The following ALPL variants were observed in gnomAD, a reference collection of about 807,000 sequenced individuals.
ALPL encodes alkaline phosphatase, biomineralization associated.
A neutral mutation model predicts 51.3 loss-of-function variants in ALPL; 42 were observed. The observed-to-expected ratio is 0.82, with a 90% CI of 0.64 to 1.06. The LOEUF is 1.06. Among genes scored for constraint, ALPL ranks in the 50% least tolerant of loss-of-function variants. The pLI is 0.00. For synonymous variants in ALPL, 279 were observed against 296.4 expected, an observed-to-expected ratio of 0.94 and a Z score of 0.60; for missense variants, 589 against 709.4, an observed-to-expected ratio of 0.83 and a Z score of 1.93.
chr1:21,536,490 G>C lies in ALPL; in HGVS notation c.-104-17488G>C, dbSNP rs531184206. Among the ~76,000 whole-genome samples, 3 of 152,326 alleles carry C rather than the reference G, an allele frequency of 2.0e-5. No individual in the cohort carries two copies. In the South Asian group the frequency reaches 6.2e-4, roughly 32 times the overall value. Reference sequence around the variant, plus strand: ...ATGTAGCCAGGATGTTCAGAGGAAGGCTTCAGGCATGGCTGCATCTAGGAG... The same window carrying C: ...ATGTAGCCAGGATGTTCAGAGGAAGCCTTCAGGCATGGCTGCATCTAGGAG... On this transcript the variant is annotated intron_variant, in intron 1 of 11. Transcript: ENST00000374840.
rs371658562 is a variant in ALPL, at chr1:21,576,218, TGATG to T, written c.1190-271_1190-268del. ...GATGGCTGGCTGGATGATGGATGGA[TGATG>T]GATGGATGGATGGATGGATGGATGG... is the stretch of plus-strand genomic sequence containing the variant. On this transcript the variant is annotated intron_variant, in intron 10 of 11. Transcript: ENST00000374840. Among the ~76,000 whole-genome samples the T allele has an allele frequency of 8.5e-3, 1,208 of 142,420 alleles. 33 individuals carry two copies. The highest frequency in any genetic ancestry group is 0.029 in the African/African-American group (1,116 of 39,090). 93.4% of individuals were successfully genotyped at this position (142,420 alleles called of 152,430 possible). A position where few individuals can be genotyped will look rare whatever the true frequency, so the allele number is the denominator to read the frequency against.
intron 1 of ALPL, among the ~76,000 whole-genome samples, chr1:21,550,665 G>A (rs1213427069): frequency 1.3e-5 from 2 of 151,876 alleles, no homozygotes; most frequent in Non-Finnish European, 2.9e-5. Context: ...ATCATAAACC[G>A]AACCGCACCA....
Position 21,577,556 on chromosome 1 carries a change from G to C in ALPL, c.1483G>C (p.Gly495Arg), listed in dbSNP as rs761079751. The C allele has an allele frequency of 1.2e-6, 2 of 1,604,752 alleles. No homozygotes were observed. Among genetic ancestry groups the C allele is most frequent in the African/African-American group, 1.3e-5 (1 of 74,926 alleles). Residue 495 changes from glycine to arginine, a missense_variant, in exon 12 of 12, where the codon GGC becomes CGC. By Grantham distance (125) the Gly-to-Arg change is moderately radical. Transcript: ENST00000374840. ...TGCAGCCTGCATCGGGGCCAACCTC[G>C]GCCACTGTGCTCCTGCCAGCTCGGC... Reference protein sequence around the residue: ...AYAACIGANLGHCAPASSAGS... With the variant: ...AYAACIGANLRHCAPASSAGS...
chr1:21,545,918 C>T (rs530781600), intron 1 of ALPL, among the ~76,000 whole-genome samples: 125 of 152,060 alleles, frequency 8.2e-4, no homozygotes, highest in African/African-American at 2.3e-3. Context: ...CTAGTTCAAG[C>T]GATTATCCTG....
At chr1:21,563,548 A>G (rs1334879680) in intron 5 of ALPL, among the ~76,000 whole-genome samples, 3 of 152,164 alleles carry the variant, frequency 2.0e-5, no homozygotes, top group African/African-American at 7.2e-5. Flanking sequence ...GTGGGAACGT[A>G]GCCCCCTCAT....
intron 1 of ALPL, among the ~76,000 whole-genome samples, chr1:21,513,843 A>C (rs1210896532): frequency 1.3e-5 from 2 of 152,244 alleles, no homozygotes. Context: ...CTGCCTGGCC[A>C]CAGTGGCTGG....
At chr1:21,535,440 T>C (rs943325600) in intron 1 of ALPL, among the ~76,000 whole-genome samples, 29 of 152,054 alleles carry the variant, frequency 1.9e-4, no homozygotes, top group African/African-American at 6.8e-4. Context: ...AGCGAGACCT[T>C]GTCTCTACTA....
At chr1:21,534,613 C>T (rs1644073681) in intron 1 of ALPL, among the ~76,000 whole-genome samples, 1 of 152,144 alleles carries the variant, frequency 6.6e-6, no homozygotes, top group South Asian at 2.1e-4. Context: ...TAGCCCCCCA[C>T]CGCTGTCCCT....
At chr1:21,522,023 G>A (rs527841963) in intron 1 of ALPL, among the ~76,000 whole-genome samples, 1 of 151,660 alleles carries the variant, frequency 6.6e-6, no homozygotes. Context: ...TCAGTTTCAT[G>A]TGTCGACTCC....
At chr1:21,571,468 T>C (rs6656758) in intron 8 of ALPL, among the ~76,000 whole-genome samples, 117,026 of 151,830 alleles carry the variant, frequency 0.77, 45,161 homozygotes, top group East Asian at 0.81. Context: ...GTCAGGAGAT[T>C]GAGACCATCC....
intron 1 of ALPL, among the ~76,000 whole-genome samples, chr1:21,517,125 G>T (rs1643815513): frequency 6.6e-6 from 1 of 152,250 alleles, no homozygotes; most frequent in East Asian, 1.9e-4. Flanking sequence ...TGGCTGGTTG[G>T]GTACTCGAGG....
At chr1:21,577,005 T>G (rs1297258276) in intron 11 of ALPL, among the ~76,000 whole-genome samples, 1 of 152,190 alleles carries the variant, frequency 6.6e-6, no homozygotes, top group Non-Finnish European at 1.5e-5. Flanking sequence ...GGCCCTATAA[T>G]ATTCCAGTAT....
At chr1:21,563,733 C>T (rs1644520871) in intron 5 of ALPL, among the ~76,000 whole-genome samples, 2 of 152,192 alleles carry the variant, frequency 1.3e-5, no homozygotes, top group African/African-American at 4.8e-5. Flanking sequence ...GACAGAGCCA[C>T]AGTCCACTTG....
rs545338528 is a variant in ALPL, at chr1:21,563,920, C to T, written c.473-121C>T. Reference sequence around the variant, plus strand: ...TGCTGTGGATGGGGAGACTGAGACCCGGGCAATCCTCAGAACTGAAGCGGG... The same window carrying T: ...TGCTGTGGATGGGGAGACTGAGACCTGGGCAATCCTCAGAACTGAAGCGGG... On this transcript the variant is annotated intron_variant, in intron 5 of 11. Coordinates refer to ENST00000374840, the MANE Select transcript of ALPL (RefSeq NM_000478.6). 97 of 1,300,624 alleles carry T rather than the reference C, an allele frequency of 7.5e-5. No homozygotes were observed. In the South Asian group the frequency reaches 8.4e-4, roughly 11 times the overall value. The allele number at this position is 1,300,624 out of a possible 1,614,324, so 80.6% of individuals were successfully genotyped here. A position where few individuals can be genotyped will look rare whatever the true frequency, so the allele number is the denominator to read the frequency against.
intron 1 of ALPL, among the ~76,000 whole-genome samples, chr1:21,514,609 C>G (rs894051866): frequency 1.3e-5 from 2 of 152,192 alleles, no homozygotes; most frequent in South Asian, 2.1e-4. Flanking sequence ...ATGCGGGGGG[C>G]TCTGGAGGCA....
In ALPL at chr1:21,564,140, A is replaced by G. The variant is rs1644529717; in HGVS notation, c.572A>G (p.Glu191Gly). The G allele has an allele frequency of 6.2e-7, 1 of 1,614,104 alleles. No individual in the cohort carries two copies. Among genetic ancestry groups the G allele is most frequent in the East Asian group, 2.2e-5 (1 of 44,872 alleles). Residue 191 changes from glutamate to glycine, a missense_variant, in exon 6 of 12, where the codon GAG becomes GGG. Glu to Gly is a moderately conservative substitution (Grantham distance 98). Transcript: ENST00000374840. This position sits in a 1 kb window ranked among gnomAD's most constrained non-coding sequence, Gnocchi z 5.8. ...SADRDWYSDN[E>G]MPPEALSQGC... is the part of the protein sequence containing the mutation. ...GACCGGGACTGGTACTCAGACAACGAGATGCCCCCTGAGGCCTTGAGCCAG... is the reference window on the plus strand; with the variant it reads ...GACCGGGACTGGTACTCAGACAACGGGATGCCCCCTGAGGCCTTGAGCCAG...
At chr1:21,549,320 A>G (rs180807376) in intron 1 of ALPL, among the ~76,000 whole-genome samples, 1 of 152,110 alleles carries the variant, frequency 6.6e-6, no homozygotes, top group Non-Finnish European at 1.5e-5. Flanking sequence ...TCTTTTTCAA[A>G]TGCCAGAGCC....
At chr1:21,556,331 C>A (rs945464588) in intron 2 of ALPL, among the ~76,000 whole-genome samples, 1 of 152,176 alleles carries the variant, frequency 6.6e-6, no homozygotes, top group Non-Finnish European at 1.5e-5. Flanking sequence ...AAAACAGCTT[C>A]AGCAGACCTG....
At chr1:21,529,485 G>A (rs112758677) in intron 1 of ALPL, among the ~76,000 whole-genome samples, 6 of 152,176 alleles carry the variant, frequency 3.9e-5, no homozygotes, top group African/African-American at 1.4e-4. Context: ...CAAAGTGTTG[G>A]AATTCCAGTC....
Sources: gnomAD v4.1 joint callset for allele counts (sites outside exome capture counted in the v4.1 genomes callset) on GRCh38, gnomAD v4.1.1 for gene constraint, Gnocchi (gnomAD v3.1) non-coding constraint, MANE v1.5 for transcripts, NCBI Gene and HGNC (gene_info 2026-07-23, HGNC 2026-07-21) for gene names.